The following TUSC3 variants were observed in gnomAD, a reference collection of about 807,000 sequenced individuals.
The protein encoded by TUSC3 is tumor suppressor candidate 3, also known as dolichyl-diphosphooligosaccharide--protein glycosyltransferase subunit TUSC3.
A neutral mutation model predicts 44.8 loss-of-function variants in TUSC3; 45 were observed. The observed-to-expected ratio is 1.00, with a 90% CI of 0.79 to 1.29. TUSC3 has a LOEUF of 1.29. Among genes scored for constraint, TUSC3 ranks in the 50% most tolerant of loss-of-function variants. TUSC3 has a pLI of 0.00. For synonymous variants in TUSC3, 212 were observed against 152.9 expected (o/e 1.39, Z -2.85); for missense variants, 519 against 437.9 (o/e 1.19, Z -1.65).
At chr8:15,622,154 C>G (rs1805275883) in intron 1 of TUSC3, among the ~76,000 whole-genome samples, 1 of 152,150 alleles carries the variant, frequency 6.6e-6, no homozygotes, top group South Asian at 2.1e-4. Flanking sequence ...GCCTCCCTCT[C>G]CTGACCGCTT....
At chr8:15,721,182 A>C (rs1283210559) in intron 6 of TUSC3, among the ~76,000 whole-genome samples, 2 of 152,090 alleles carry the variant, frequency 1.3e-5, no homozygotes, top group Non-Finnish European at 2.9e-5. Flanking sequence ...AAAATGAATT[A>C]CAGAGTGGTT....
chr8:15,564,307 TAAA>T (rs1383207054), intron 1 of TUSC3, among the ~76,000 whole-genome samples: 7 of 151,930 alleles, frequency 4.6e-5, no homozygotes, highest in African/African-American at 1.7e-4. Context: ...ACAGCTAAAA[TAAA>T]AAATAAAAAA....
At chr8:15,494,115 T>C (rs906865111) in intron 2 of TUSC3, among the ~76,000 whole-genome samples, 1 of 152,230 alleles carries the variant, frequency 6.6e-6, no homozygotes, top group African/African-American at 2.4e-5. Context: ...TGTCTGCTGC[T>C]GCTATTGTCC....
At chr8:15,651,550 G>C (rs2129175948) in intron 3 of TUSC3, among the ~76,000 whole-genome samples, 1 of 152,276 alleles carries the variant, frequency 6.6e-6, no homozygotes, top group South Asian at 2.1e-4. Context: ...GTCCATATAA[G>C]ACGAGGAATC....
At chr8:15,719,654 TAAAC>T (rs1396531018) in intron 6 of TUSC3, among the ~76,000 whole-genome samples, 1 of 151,946 alleles carries the variant, frequency 6.6e-6, no homozygotes, top group Non-Finnish European at 1.5e-5. Context: ...GTAGAATAAA[TAAAC>T]TAACATACAA....
At chr8:15,445,624 T>G (rs910182113) in intron 1 of TUSC3, among the ~76,000 whole-genome samples, 1 of 152,166 alleles carries the variant, frequency 6.6e-6, no homozygotes, top group Non-Finnish European at 1.5e-5. Flanking sequence ...CAGAGAGCAC[T>G]GGGTTGGGGG....
rs75611365 is a variant in TUSC3, at chr8:15,625,782, C to G, written c.308+2533C>G. Reference sequence around the variant, plus strand: ...AAAATTTCTAAGAAGCATCTTATCACAACCTAATAATGAGTGTATGTTGGG... The same window carrying G: ...AAAATTTCTAAGAAGCATCTTATCAGAACCTAATAATGAGTGTATGTTGGG... On this transcript the variant is annotated intron_variant, in intron 2 of 10. Transcript: ENST00000503731. 5.3e-3 allele frequency among the ~76,000 whole-genome samples: 809 copies of G among 152,308 alleles called. 6 individuals are homozygous for G. Among genetic ancestry groups the G allele is most frequent in the Middle Eastern group, 0.024 (7 of 292 alleles).
chr8:15,647,293 CA>C (rs751147275), intron 2 of TUSC3, among the ~76,000 whole-genome samples: 7 of 152,090 alleles, frequency 4.6e-5, no homozygotes, highest in Non-Finnish European at 1.0e-4. Flanking sequence ...CTGACCCGCT[CA>C]AAAGAATATA....
chr8:15,581,866 A>C (rs1445125552), intron 1 of TUSC3, among the ~76,000 whole-genome samples: 1 of 98,838 alleles, frequency 1.0e-5, no homozygotes, highest in African/African-American at 4.9e-5. Flanking sequence ...CTTCCCGTTT[A>C]CCTAATCAAG....
intron 2 of TUSC3, among the ~76,000 whole-genome samples, chr8:15,523,215 T>C (rs1216981182): frequency 6.6e-6 from 1 of 152,132 alleles, no homozygotes; most frequent in East Asian, 1.9e-4. Context: ...TGAGATCGTC[T>C]GAGTTGAGGT....
intron 2 of TUSC3, among the ~76,000 whole-genome samples, chr8:15,532,707 T>C (rs1348432276): frequency 2.0e-5 from 3 of 152,196 alleles, no homozygotes; most frequent in Non-Finnish European, 4.4e-5. Context: ...AATTACCATT[T>C]GTTGTGGGTG....
intron 1 of TUSC3, among the ~76,000 whole-genome samples, chr8:15,567,206 A>C (rs556881956): frequency 4.5e-4 from 68 of 152,246 alleles, no homozygotes; most frequent in African/African-American, 1.6e-3. Flanking sequence ...GAACTGAAAA[A>C]CATTTCGGGG....
chr8:15,569,248 C>T (rs527720227), intron 1 of TUSC3, among the ~76,000 whole-genome samples: 1 of 152,254 alleles, frequency 6.6e-6, no homozygotes, highest in Non-Finnish European at 1.5e-5. Flanking sequence ...TTCTTTTAGT[C>T]ATTCTTCCAT....
intron 2 of TUSC3, among the ~76,000 whole-genome samples, chr8:15,512,055 A>G (rs1002571053): frequency 1.3e-5 from 2 of 152,238 alleles, no homozygotes; most frequent in African/African-American, 2.4e-5. Flanking sequence ...TAGAAGATCC[A>G]GAACACCTTT....
intron 6 of TUSC3, among the ~76,000 whole-genome samples, chr8:15,694,123 T>C (rs192880834): frequency 6.6e-6 from 1 of 152,126 alleles, no homozygotes; most frequent in Non-Finnish European, 1.5e-5. Flanking sequence ...TATTCCATAT[T>C]GTATTTCTGT....
At chr8:15,548,212 T>G (rs1801941055) in intron 1 of TUSC3, among the ~76,000 whole-genome samples, 1 of 151,766 alleles carries the variant, frequency 6.6e-6, no homozygotes, top group Non-Finnish European at 1.5e-5. Flanking sequence ...ACAATATCTT[T>G]GCCTGATGGT....
At chr8:15,577,482 T>A (rs868458598) in intron 1 of TUSC3, among the ~76,000 whole-genome samples, 3,861 of 151,202 alleles carry the variant, frequency 0.026, 161 homozygotes, top group African/African-American at 0.088. Context: ...TCTTGAATTG[T>A]TTTTTGTATA....
intron 1 of TUSC3, among the ~76,000 whole-genome samples, chr8:15,465,371 A>G (rs1156270236): frequency 2.6e-5 from 4 of 152,158 alleles, no homozygotes; most frequent in Non-Finnish European, 5.9e-5. Flanking sequence ...AGAGGTTAAA[A>G]AAGATTTTGA....
chr8:15,450,962 C>A (rs1278984749), intron 1 of TUSC3, among the ~76,000 whole-genome samples: 1 of 152,118 alleles, frequency 6.6e-6, no homozygotes, highest in Non-Finnish European at 1.5e-5. Flanking sequence ...TGGCAGTGAA[C>A]TTGACCCCAT....
Sources: allele counts gnomAD v4.1 joint callset (sites outside exome capture counted in the v4.1 genomes callset), GRCh38; gene constraint gnomAD v4.1.1; transcripts MANE v1.5; gene names NCBI Gene and HGNC (gene_info 2026-07-23, HGNC 2026-07-21).